The following DENND4A variants were observed in gnomAD, a reference collection of about 807,000 sequenced individuals.
The protein encoded by DENND4A is DENN domain containing 4A.
DENND4A carries 70 observed loss-of-function variants against 199.3 expected under a neutral mutation model. The ratio of observed to expected loss-of-function variants is 0.35; its 90% confidence interval spans 0.29 to 0.43. DENND4A has a LOEUF of 0.43. Ranked by LOEUF, DENND4A falls within the 20% of genes least tolerant of loss-of-function variation. The pLI, the probability that DENND4A is intolerant of heterozygous loss-of-function variation, is 1.00. For synonymous variants in DENND4A, 686 were observed against 766.9 expected (o/e 0.89, Z 1.74); for missense variants, 1,723 against 2,255.8 (o/e 0.76, Z 4.78).
At chr15:65,778,324 AGCC>A (rs2077337665) in intron 1 of DENND4A, among the ~76,000 whole-genome samples, 1 of 152,130 alleles carries the variant, frequency 6.6e-6, no homozygotes, top group Non-Finnish European at 1.5e-5. Flanking sequence ...TGGTGATAAC[AGCC>A]AGTCTTATCT....
intron 4 of DENND4A, among the ~76,000 whole-genome samples, chr15:65,751,727 G>A (rs910192616): frequency 2.0e-5 from 3 of 152,124 alleles, no homozygotes; most frequent in East Asian, 1.9e-4. Flanking sequence ...AGAAGTAACC[G>A]TTTATGTAGA....
Position 65,661,905 on chromosome 15 carries a change from T to C in DENND4A, c.5670A>G (p.Pro1890=), listed in dbSNP as rs1188770728. The C allele has an allele frequency of 1.2e-6, 2 of 1,613,004 alleles. No homozygotes were observed. The change falls in exon 33 of 33, where the codon CCA becomes CCG. Residue 1890 remains proline (P), a synonymous_variant. Coordinates refer to ENST00000443035, the MANE Select transcript of DENND4A (RefSeq NM_001320835.1). The stretch of plus-strand genomic sequence containing the variant: ...GACATTCCATCACCCCTGTACTTGG[T>C]GGTCTATCACAGTTGTGTGTACTCT... ...QVKSTHNCDR[P]PSTGVMECRK...
At chr15:65,726,949 C>T (rs1360863350) in intron 11 of DENND4A, among the ~76,000 whole-genome samples, 1 of 151,976 alleles carries the variant, frequency 6.6e-6, no homozygotes, top group African/African-American at 2.4e-5. Context: ...CAGAACGAGA[C>T]ATTGTCTCAA....
Position 65,711,823 on chromosome 15 carries a change from C to T in DENND4A, c.1953+3655G>A, listed in dbSNP as rs548416519. ...CCACACACACACAAAATTAATACTT[C>T]GTTGTTGTTGGTTTTTGTTTAGAGA... On this transcript the variant is annotated intron_variant, in intron 14 of 32. Transcript: ENST00000443035. 4.6e-5 allele frequency among the ~76,000 whole-genome samples: 7 copies of T among 152,196 alleles called. No homozygotes were observed. In the East Asian group the frequency reaches 5.8e-4, roughly 13 times the overall value.
At chr15:65,751,702 C>CTGT (rs1746064760) in intron 4 of DENND4A, among the ~76,000 whole-genome samples, 2 of 152,120 alleles carry the variant, frequency 1.3e-5, no homozygotes, top group South Asian at 4.1e-4. Flanking sequence ...CTTCATTGCA[C>CTGT]TGTTTCAAGA....
At chr15:65,787,757 A>T (rs1250039425) in intron 1 of DENND4A, among the ~76,000 whole-genome samples, 3 of 152,250 alleles carry the variant, frequency 2.0e-5, no homozygotes, top group South Asian at 4.1e-4. Context: ...AAAGCAGAGT[A>T]CACAATATGT....
intron 15 of DENND4A, among the ~76,000 whole-genome samples, chr15:65,703,292 A>T (rs182994476): frequency 6.6e-6 from 1 of 152,344 alleles, no homozygotes; most frequent in African/African-American, 2.4e-5. Flanking sequence ...AACTTTAGCA[A>T]ACTTTTAAAA....
At chr15:65,774,094 T>C (rs1052527162) in intron 1 of DENND4A, among the ~76,000 whole-genome samples, 1 of 152,168 alleles carries the variant, frequency 6.6e-6, no homozygotes, top group African/African-American at 2.4e-5. Flanking sequence ...TGGTGGCTCA[T>C]GCCTGTAATC....
At chr15:65,773,377 C>T (rs915322223) in intron 1 of DENND4A, among the ~76,000 whole-genome samples, 3 of 152,090 alleles carry the variant, frequency 2.0e-5, no homozygotes, top group Non-Finnish European at 4.4e-5. Context: ...TGCCTTACAG[C>T]GGTTTAATAG....
chr15:65,703,942 C>T (rs908274463), intron 15 of DENND4A, among the ~76,000 whole-genome samples: 3 of 152,122 alleles, frequency 2.0e-5, no homozygotes, highest in Non-Finnish European at 2.9e-5. Flanking sequence ...TTTAAGAATA[C>T]TATGTAATAT....
In DENND4A at chr15:65,757,438, T is replaced by C. The variant is rs942289753; in HGVS notation, c.-22-966A>G. On this transcript the variant is annotated intron_variant, in intron 2 of 32. Coordinates refer to ENST00000443035, the MANE Select transcript of DENND4A (RefSeq NM_001320835.1). ...TGGGAGATAAGCACTTCAGACCACATAGATAGAGAATTGGAACTGAGCCAC... is the reference window on the plus strand; with the variant it reads ...TGGGAGATAAGCACTTCAGACCACACAGATAGAGAATTGGAACTGAGCCAC... Among the ~76,000 whole-genome samples the C allele has an allele frequency of 6.6e-5, 10 of 152,016 alleles. No homozygotes were observed. In the East Asian group the frequency reaches 1.7e-3, roughly 26 times the overall value.
At chr15:65,671,729 T>C in intron 25 of DENND4A, 63 bp downstream of exon 25, 1 of 1,145,772 alleles carries the variant, frequency 8.7e-7, no homozygotes. Flanking sequence ...GGACCACTAA[T>C]ACTTAAGAAA....
chr15:65,667,827 T>G, intron 28 of DENND4A, 98 bp downstream of exon 28: 1 of 1,493,900 alleles, frequency 6.7e-7, no homozygotes, highest in Non-Finnish European at 9.0e-7. Flanking sequence ...AGACTCTTCT[T>G]GGCAATAATA....
chr15:65,767,036 G>T (rs1243417591), intron 1 of DENND4A, among the ~76,000 whole-genome samples: 1 of 152,146 alleles, frequency 6.6e-6, no homozygotes, highest in Non-Finnish European at 1.5e-5. Flanking sequence ...TTTCCAGACC[G>T]ACTATAAACA....
chr15:65,750,271 G>C (rs185797892), intron 4 of DENND4A, among the ~76,000 whole-genome samples: 59 of 152,256 alleles, frequency 3.9e-4, no homozygotes, highest in African/African-American at 1.3e-3. Context: ...TTATAAGTGA[G>C]AGCTAAATAT....
At chr15:65,684,977 AC>A (rs1442995887) in intron 23 of DENND4A, among the ~76,000 whole-genome samples, 1 of 151,882 alleles carries the variant, frequency 6.6e-6, no homozygotes, top group Non-Finnish European at 1.5e-5. Flanking sequence ...GGCATGCACC[AC>A]CATGCCTGGC....
intron 23 of DENND4A, among the ~76,000 whole-genome samples, chr15:65,686,318 AAT>A (rs755214613): frequency 1.3e-5 from 2 of 152,218 alleles, no homozygotes; most frequent in African/African-American, 4.8e-5. Context: ...TACACTTGAA[AAT>A]AGTGTATTCT....
chr15:65,779,354 G>A (rs2140951318), intron 1 of DENND4A, among the ~76,000 whole-genome samples: 1 of 151,626 alleles, frequency 6.6e-6, no homozygotes, highest in East Asian at 1.9e-4. Context: ...TACTCGGGAG[G>A]CTGAGGCAGG....
At chr15:65,679,255 C>T (rs1242217411) in intron 23 of DENND4A, among the ~76,000 whole-genome samples, 1 of 151,912 alleles carries the variant, frequency 6.6e-6, no homozygotes, top group Non-Finnish European at 1.5e-5. Context: ...GTGCATGCCA[C>T]CACGCCCAGC....
Sources: allele counts gnomAD v4.1 joint callset (sites outside exome capture counted in the v4.1 genomes callset), GRCh38; gene constraint gnomAD v4.1.1; transcripts MANE v1.5; gene names NCBI Gene and HGNC (gene_info 2026-07-23, HGNC 2026-07-21).